CTNNA3: variants seen among roughly 807,000 people sequenced by gnomAD.
CTNNA3 encodes the protein catenin alpha-3.
Under a neutral mutation model 95.7 loss-of-function variants are expected in CTNNA3, and 76 were observed. The ratio of observed to expected loss-of-function variants is 0.79; its 90% CI spans 0.66 to 0.96. The LOEUF (loss-of-function observed/expected upper bound fraction) is 0.96, where lower values mean the gene tolerates loss of function less well. CTNNA3 is among the 40% of genes least tolerant of loss of function. The pLI is 0.00. For synonymous variants in CTNNA3, 431 were observed against 374.4 expected (o/e 1.15, Z -1.74); for missense variants, 1,191 against 1,089.8 (o/e 1.09, Z -1.31).
chr10:66,522,655 T>C (rs946796288), intron 10 of CTNNA3, among the ~76,000 whole-genome samples: 1 of 151,938 alleles, frequency 6.6e-6, no homozygotes, highest in African/African-American at 2.4e-5. Context: ...CTTTCCTTTA[T>C]GGATTACCCA....
At chr10:67,249,739 A>G (rs10997596) in intron 5 of CTNNA3, among the ~76,000 whole-genome samples, 14,217 of 152,252 alleles carry the variant, frequency 0.093, 1,259 homozygotes, top group East Asian at 0.26. Flanking sequence ...GGTGCAAGGC[A>G]GGAACCAACC....
intron 7 of CTNNA3, among the ~76,000 whole-genome samples, chr10:67,080,142 G>A (rs918159431): frequency 5.3e-5 from 8 of 152,100 alleles, no homozygotes; most frequent in East Asian, 3.9e-4. Flanking sequence ...CTTGTATTTC[G>A]TTAAAAAATT....
At position 66,687,878 on chromosome 10, in the gene CTNNA3, AG is replaced by A. The variant is rs927575300; in HGVS notation, c.1282-66095del. On this transcript the variant is annotated intron_variant, in intron 9 of 17. Transcript: ENST00000433211. ...ATTTCATATATTCCATAATTTATTG[AG>A]GAAAAAAATGATATTGAGGTCAATT... Among the ~76,000 whole-genome samples, 472 of 152,136 alleles carry A rather than the reference AG, an allele frequency of 3.1e-3. 2 individuals carry two copies. The highest frequency in any genetic ancestry group is 9.6e-3 in the African/African-American group (400 of 41,510).
chr10:67,138,202 T>C (rs1283341987), intron 7 of CTNNA3, among the ~76,000 whole-genome samples: 1 of 152,060 alleles, frequency 6.6e-6, no homozygotes, highest in Non-Finnish European at 1.5e-5. Flanking sequence ...TTAAAATCCA[T>C]GAGAAGTCTT....
chr10:67,671,939 A>T (rs1334595346), intron 1 of CTNNA3, among the ~76,000 whole-genome samples: 2 of 152,092 alleles, frequency 1.3e-5, no homozygotes, highest in East Asian at 1.9e-4. Flanking sequence ...CGCCACACTG[A>T]CTTCCACAAT....
chr10:67,227,283 G>T (rs1486365275), intron 5 of CTNNA3, among the ~76,000 whole-genome samples: 1 of 151,946 alleles, frequency 6.6e-6, no homozygotes, highest in African/African-American at 2.4e-5. Flanking sequence ...TAGAGCCAGG[G>T]TTTCTCCATG....
At chr10:66,501,322 G>T (rs1243187148) in intron 11 of CTNNA3, among the ~76,000 whole-genome samples, 1 of 152,080 alleles carries the variant, frequency 6.6e-6, no homozygotes, top group Non-Finnish European at 1.5e-5. Flanking sequence ...TAACAATGAA[G>T]AATGATGAGG....
chr10:67,504,029 T>C (rs191895233), intron 5 of CTNNA3, among the ~76,000 whole-genome samples: 2,644 of 149,444 alleles, frequency 0.018, 31 homozygotes, highest in Non-Finnish European at 0.027. Context: ...TGGTGGTGGG[T>C]GCCTGTAGTC....
chr10:66,174,465 A>C (rs2085603725), intron 13 of CTNNA3, among the ~76,000 whole-genome samples: 1 of 152,150 alleles, frequency 6.6e-6, no homozygotes, highest in African/African-American at 2.4e-5. Flanking sequence ...TCTAGTACAT[A>C]GTAGGCATTC....
intron 9 of CTNNA3, among the ~76,000 whole-genome samples, chr10:66,731,774 T>C (rs1488944657): frequency 2.0e-5 from 3 of 152,154 alleles, no homozygotes; most frequent in Non-Finnish European, 4.4e-5. Context: ...ATTTAACACT[T>C]TGCTACCAAC....
intron 3 of CTNNA3, among the ~76,000 whole-genome samples, chr10:67,598,694 TTA>T (rs1286312569): frequency 1.6e-4 from 24 of 152,074 alleles, no homozygotes; most frequent in Admixed American, 1.6e-3. Context: ...AGAGTTACAT[TTA>T]TATGGCATTT....
chr10:67,043,862 G>A (rs905574124), intron 7 of CTNNA3, among the ~76,000 whole-genome samples: 7 of 150,918 alleles, frequency 4.6e-5, no homozygotes, highest in Non-Finnish European at 1.0e-4. Flanking sequence ...ACTTCTATAT[G>A]CCCAACATTC....
At chr10:67,384,567 T>C (rs1844072982) in intron 5 of CTNNA3, among the ~76,000 whole-genome samples, 1 of 152,190 alleles carries the variant, frequency 6.6e-6, no homozygotes, top group Non-Finnish European at 1.5e-5. Flanking sequence ...TAACAGATTC[T>C]TGTTTGTTTG....
At position 67,585,542 on chromosome 10, in the gene CTNNA3, C is replaced by G. The variant is rs577436351; in HGVS notation, c.292+21315G>C. ...TATTGGTCTGTTTAGGTTTTCTATT[C>G]TTTCCTGCTTCAATCTTGGCAGGTG... On this transcript the variant is annotated intron_variant, in intron 3 of 17. Coordinates refer to ENST00000433211, the MANE Select transcript of CTNNA3 (RefSeq NM_013266.4). 1.3e-3 allele frequency among the ~76,000 whole-genome samples: 193 copies of G among 152,020 alleles called. 1 individual carries two copies. Among genetic ancestry groups the G allele is most frequent in the Non-Finnish European group, 2.2e-3 (148 of 67,988 alleles).
chr10:65,953,606 A>T (rs1478634050), intron 17 of CTNNA3, among the ~76,000 whole-genome samples: 1 of 151,894 alleles, frequency 6.6e-6, no homozygotes, highest in East Asian at 1.9e-4. Flanking sequence ...TCATTGTTCA[A>T]TTCCCACCTA....
At chr10:66,007,196 G>A (rs2078905235) in intron 15 of CTNNA3, among the ~76,000 whole-genome samples, 1 of 152,052 alleles carries the variant, frequency 6.6e-6, no homozygotes, top group East Asian at 1.9e-4. Context: ...TGATTTACAT[G>A]CTTTATTGAA....
At chr10:66,032,507 G>A (rs990765320) in intron 15 of CTNNA3, among the ~76,000 whole-genome samples, 2 of 151,900 alleles carry the variant, frequency 1.3e-5, no homozygotes, top group Non-Finnish European at 2.9e-5. Flanking sequence ...TTGAAGCTAC[G>A]GTCTCCTTAA....
intron 9 of CTNNA3, among the ~76,000 whole-genome samples, chr10:66,632,527 C>G (rs1564581497): frequency 6.9e-6 from 1 of 144,850 alleles, no homozygotes; most frequent in East Asian, 2.0e-4. Flanking sequence ...TGCATTCCAG[C>G]CTGGGTGACA....
chr10:67,482,834 A>G (rs1277218496), intron 5 of CTNNA3, among the ~76,000 whole-genome samples: 2 of 152,194 alleles, frequency 1.3e-5, no homozygotes, highest in African/African-American at 4.8e-5. Flanking sequence ...GCCAGTTTTC[A>G]AAGGGAATGC....
Sources: allele counts gnomAD v4.1 joint callset (sites outside exome capture counted in the v4.1 genomes callset), GRCh38; gene constraint gnomAD v4.1.1; transcripts MANE v1.5; gene names NCBI Gene and HGNC (gene_info 2026-07-23, HGNC 2026-07-21).